MGMT: variants seen among roughly 807,000 people sequenced by gnomAD.
MGMT encodes the protein O-6-methylguanine-DNA methyltransferase.
Under a neutral mutation model 15.9 loss-of-function variants are expected in MGMT, and 14 were observed. The observed-to-expected ratio is 0.88, with a 90% CI of 0.58 to 1.37. The LOEUF (loss-of-function observed/expected upper bound fraction) is 1.37, where lower values mean the gene tolerates loss of function less well. Ranked by LOEUF, MGMT falls within the 40% of genes most tolerant of loss-of-function variation. MGMT has a pLI of 0.00. For missense variants in MGMT, 282 were observed against 268.1 expected (o/e 1.05, Z -0.36); for synonymous variants, 130 against 118.2 (o/e 1.10, Z -0.65).
chr10:129,526,598 G>C (rs1289003747), intron 1 of MGMT, among the ~76,000 whole-genome samples: 1 of 152,148 alleles, frequency 6.6e-6, no homozygotes, highest in Non-Finnish European at 1.5e-5. Context: ...GGACTCAGGC[G>C]ATTCTCCCAC....
At chr10:129,504,110 T>C (rs2119682765) in intron 1 of MGMT, among the ~76,000 whole-genome samples, 1 of 152,296 alleles carries the variant, frequency 6.6e-6, no homozygotes, top group Admixed American at 6.5e-5. Context: ...ATGAAACACT[T>C]TAGGAGCAGT....
intron 3 of MGMT, among the ~76,000 whole-genome samples, chr10:129,709,955 C>A (rs952490481): frequency 6.6e-6 from 1 of 152,230 alleles, no homozygotes; most frequent in Non-Finnish European, 1.5e-5. Flanking sequence ...ACCACCCCTG[C>A]AAGCACTGAA....
chr10:129,506,983 T>A (rs939210788), intron 1 of MGMT, among the ~76,000 whole-genome samples: 2 of 152,150 alleles, frequency 1.3e-5, no homozygotes, highest in East Asian at 3.9e-4. Flanking sequence ...CTCTGCCACT[T>A]AGGGGCCATG....
chr10:129,672,202 T>C, intron 2 of MGMT, among the ~76,000 whole-genome samples: 1 of 152,224 alleles, frequency 6.6e-6, no homozygotes, highest in East Asian at 1.9e-4. Flanking sequence ...AGGTTTCCAG[T>C]TATTTTATTC....
chr10:129,633,258 C>G (rs1329916614), intron 2 of MGMT, among the ~76,000 whole-genome samples: 1 of 152,160 alleles, frequency 6.6e-6, no homozygotes, highest in Non-Finnish European at 1.5e-5. Context: ...GGAAACCAAC[C>G]TAGACGTCCA....
intron 2 of MGMT, among the ~76,000 whole-genome samples, chr10:129,625,422 G>A (rs1304571280): frequency 6.6e-6 from 1 of 152,012 alleles, no homozygotes; most frequent in East Asian, 1.9e-4. Flanking sequence ...TTTGAGAAAT[G>A]GTAACCACAG....
intron 2 of MGMT, among the ~76,000 whole-genome samples, chr10:129,621,087 C>A (rs977446461): frequency 2.0e-5 from 3 of 152,140 alleles, no homozygotes; most frequent in Non-Finnish European, 2.9e-5. Flanking sequence ...GTGACTCGGG[C>A]AACTGAAGGA....
At chr10:129,707,171 G>A (rs907202143) in intron 2 of MGMT, among the ~76,000 whole-genome samples, 37 of 152,206 alleles carry the variant, frequency 2.4e-4, no homozygotes, top group African/African-American at 8.2e-4. Context: ...CAGCTACTAG[G>A]GAAGATGAGG....
At chr10:129,631,359 A>T (rs1348090116) in intron 2 of MGMT, among the ~76,000 whole-genome samples, 2 of 152,186 alleles carry the variant, frequency 1.3e-5, no homozygotes, top group Non-Finnish European at 2.9e-5. Flanking sequence ...ATGTTGTTCA[A>T]ATGATGAGAC....
intron 3 of MGMT, among the ~76,000 whole-genome samples, chr10:129,719,578 C>A (rs1420462902): frequency 6.6e-6 from 1 of 152,174 alleles, no homozygotes; most frequent in Non-Finnish European, 1.5e-5. Context: ...TTGCTGCGTC[C>A]TCACTAGGCC....
intron 3 of MGMT, among the ~76,000 whole-genome samples, chr10:129,718,365 C>T (rs1394275650): frequency 6.6e-6 from 1 of 152,178 alleles, no homozygotes; most frequent in African/African-American, 2.4e-5. Flanking sequence ...GTTAGGAAAA[C>T]CAAGGGGACT....
intron 2 of MGMT, among the ~76,000 whole-genome samples, chr10:129,560,228 C>T (rs1846261261): frequency 6.6e-6 from 1 of 152,028 alleles, no homozygotes; most frequent in African/African-American, 2.4e-5. Flanking sequence ...AAACGAGGAT[C>T]GTTTGAATAT....
chr10:129,569,719 C>A (rs543186384), intron 2 of MGMT, among the ~76,000 whole-genome samples: 7 of 152,090 alleles, frequency 4.6e-5, no homozygotes. Flanking sequence ...AGGGAGGATG[C>A]AGGAGGAACG....
chr10:129,634,099 A>C (rs1395274215), intron 2 of MGMT, among the ~76,000 whole-genome samples: 2 of 152,178 alleles, frequency 1.3e-5, no homozygotes, highest in Non-Finnish European at 2.9e-5. Context: ...GATTGTTGAA[A>C]GGTATTTTCA....
chr10:129,745,646 G>C (rs1263122936), intron 3 of MGMT, among the ~76,000 whole-genome samples: 1 of 151,920 alleles, frequency 6.6e-6, no homozygotes, highest in African/African-American at 2.4e-5. Flanking sequence ...TTTTTATTTT[G>C]GCCATTCTAA....
intron 3 of MGMT, among the ~76,000 whole-genome samples, chr10:129,743,768 C>T (rs758858204): frequency 1.4e-4 from 21 of 152,178 alleles, no homozygotes; most frequent in Non-Finnish European, 2.4e-4. Flanking sequence ...ATTCCATAGC[C>T]GCTGTGTCAT....
chr10:129,726,624 C>T (rs1252248158), intron 3 of MGMT, among the ~76,000 whole-genome samples: 5 of 152,212 alleles, frequency 3.3e-5, no homozygotes, highest in Non-Finnish European at 1.5e-5. Context: ...GTATATATGA[C>T]ACTTTTTAAA....
intron 1 of MGMT, among the ~76,000 whole-genome samples, chr10:129,498,778 CTT>C (rs1409848123): frequency 6.6e-6 from 1 of 152,186 alleles, no homozygotes; most frequent in Non-Finnish European, 1.5e-5. Flanking sequence ...AGGAGCCTCT[CTT>C]CCTTTTAGCT....
chr10:129,548,623 C>T (rs1284019475), intron 2 of MGMT, among the ~76,000 whole-genome samples: 6 of 152,200 alleles, frequency 3.9e-5, no homozygotes, highest in African/African-American at 1.2e-4. Flanking sequence ...TCACAAGAAG[C>T]GGTGCTGAAA....
Sources: allele counts gnomAD v4.1 joint callset (sites outside exome capture counted in the v4.1 genomes callset), GRCh38; gene constraint gnomAD v4.1.1; transcripts MANE v1.5; gene names NCBI Gene and HGNC (gene_info 2026-07-23, HGNC 2026-07-21).